Variants in PKD1L1 observed in about 807,000 individuals in gnomAD.
PKD1L1 encodes polycystin-1-like protein 1.
PKD1L1 carries 236 observed loss-of-function variants against 323.4 expected under a neutral mutation model. The ratio of observed to expected loss-of-function variants is 0.73; its 90% CI spans 0.66 to 0.81. The LOEUF is 0.81. Among genes scored for constraint, PKD1L1 ranks in the 40% least tolerant of loss-of-function variants. The probability of loss-of-function intolerance (pLI) is 0.00; values close to 1 mark genes in which losing one functional copy is unlikely to be tolerated. For missense variants in PKD1L1, 3,320 were observed against 3,508.0 expected (o/e 0.95, Z 1.35); for synonymous variants, 1,344 against 1,335.0 (o/e 1.01, Z -0.15).
chr7:47,838,056 T>G (rs1336700031), intron 36 of PKD1L1, among the ~76,000 whole-genome samples: 1 of 152,222 alleles, frequency 6.6e-6, no homozygotes, highest in Non-Finnish European at 1.5e-5. Flanking sequence ...TCTCCCGTTG[T>G]TAACTATGGT....
intron 56 of PKD1L1, among the ~76,000 whole-genome samples, chr7:47,785,449 T>A (rs1311714853): frequency 6.6e-6 from 1 of 152,190 alleles, no homozygotes; most frequent in African/African-American, 2.4e-5. Flanking sequence ...ATAGTCTCTA[T>A]TAAAGCTATA....
At chr7:47,957,709 T>G in the PKD1L1 span, among the ~76,000 whole-genome samples, 21 of 151,962 alleles carry the variant, frequency 1.4e-4, no homozygotes, top group African/African-American at 4.8e-4. Context: ...TTGCTCAGGC[T>G]GGTGGCAAAC....
rs750251869 is a variant in PKD1L1, at chr7:47,890,734, G to A, written c.2483C>T (p.Ser828Phe). The change falls in exon 16 of 57, where the codon TCC becomes TTC. Residue 828 changes from serine to phenylalanine, a missense_variant. Physicochemically the swap from Ser to Phe is radical, Grantham distance 155. Coordinates refer to ENST00000289672, the MANE Select transcript of PKD1L1 (RefSeq NM_138295.5). The stretch of plus-strand genomic sequence containing the variant: ...GGAGTCGAAGCAGGGATGTGCTGGG[G>A]AGCCAGCGGTGGCGCATTCCCAGTG... ...RYHWECATAG[S>F]PAHPCFDSST... The A allele has an allele frequency of 1.9e-6, 3 of 1,612,724 alleles. No homozygotes were observed. Among genetic ancestry groups the A allele is most frequent in the Non-Finnish European group, 2.5e-6 (3 of 1,180,044 alleles).
In PKD1L1 at chr7:47,920,704, A is replaced by G. The variant is rs1244940031; in HGVS notation, c.1061-5105T>C. ...GGTATAAAAATAAGCACACAGACCA[A>G]TGGAACAGAATAGAGATCCCAGAAA... is the stretch of plus-strand genomic sequence containing the variant. On this transcript the variant is annotated intron_variant, in intron 7 of 56. Coordinates refer to ENST00000289672, the MANE Select transcript of PKD1L1 (RefSeq NM_138295.5). Among the ~76,000 whole-genome samples the G allele has an allele frequency of 2.3e-4, 35 of 152,228 alleles. 1 individual carries two copies. Among genetic ancestry groups the G allele is most frequent in the Admixed American group, 2.2e-3 (33 of 15,288 alleles).
In PKD1L1 at chr7:47,859,880, G is replaced by C. The variant is rs532065258; in HGVS notation, c.4150-995C>G. Among the ~76,000 whole-genome samples the C allele has an allele frequency of 1.7e-3, 254 of 151,988 alleles. 1 individual carries two copies. The highest frequency in any genetic ancestry group is 5.8e-3 in the African/African-American group (240 of 41,440). ...CCAGACCTCATGATCCACCCGCCTC[G>C]GCTTCCCAAAGTGCTGGGAGTACAG... is the stretch of plus-strand genomic sequence containing the variant. On this transcript the variant is annotated intron_variant, in intron 26 of 56. Transcript: ENST00000289672.
intron 45 of PKD1L1, among the ~76,000 whole-genome samples, chr7:47,824,739 TCC>T: frequency 6.6e-6 from 1 of 152,268 alleles, no homozygotes; most frequent in Admixed American, 6.5e-5. Context: ...CTACCTGGCT[TCC>T]CTCCTGCAGC....
chr7:47,832,454 A>G (rs566801717), intron 41 of PKD1L1, among the ~76,000 whole-genome samples: 43 of 152,332 alleles, frequency 2.8e-4, no homozygotes, highest in African/African-American at 7.9e-4. Context: ...GGTGCTGTGC[A>G]GCCTGGGCCC....
At chr7:47,960,877 A>C in the PKD1L1 span, among the ~76,000 whole-genome samples, 1 of 150,634 alleles carries the variant, frequency 6.6e-6, no homozygotes, top group Non-Finnish European at 1.5e-5. Flanking sequence ...CCAAAAAGAC[A>C]AAAGATTAGC....
At chr7:47,898,325 T>C in intron 13 of PKD1L1, 131 bp from the exon 14 acceptor site, 3 of 728,706 alleles carry the variant, frequency 4.1e-6, no homozygotes, top group South Asian at 1.9e-5. Flanking sequence ...ATGGTATTCT[T>C]AGGTCTGGGC....
chr7:47,958,472 G>A, the PKD1L1 span, among the ~76,000 whole-genome samples: 1 of 152,174 alleles, frequency 6.6e-6, no homozygotes, highest in African/African-American at 2.4e-5. Flanking sequence ...TTTAAGACCT[G>A]AAACTATGAA....
chr7:47,882,196 C>T, intron 19 of PKD1L1, 111 bp from the exon 20 acceptor site: 2 of 1,107,948 alleles, frequency 1.8e-6, no homozygotes, highest in Admixed American at 2.6e-5. Context: ...TTGCTGGATA[C>T]CGCCTATCTA....
At chr7:47,833,586 C>A (rs946164339) in intron 40 of PKD1L1, among the ~76,000 whole-genome samples, 1 of 152,076 alleles carries the variant, frequency 6.6e-6, no homozygotes, top group South Asian at 2.1e-4. Flanking sequence ...TGAACAAAGC[C>A]TCCAAGTGGG....
chr7:47,929,139 C>A, intron 7 of PKD1L1, 65 bp downstream of exon 7: 1 of 1,484,284 alleles, frequency 6.7e-7, no homozygotes, highest in South Asian at 1.3e-5. Flanking sequence ...CCCAACACTG[C>A]CTCTTGGGTC....
chr7:47,832,037 T>C lies in PKD1L1; in HGVS notation c.6338-685A>G, dbSNP rs915794063. ...GGTGCAGCCGTCTTAGCTCGTTTTC[T>C]AGCAACTGCTCTTAGAGGCAGGATG... is the stretch of plus-strand genomic sequence containing the variant. On this transcript the variant is annotated intron_variant, in intron 41 of 56. Coordinates refer to ENST00000289672, the MANE Select transcript of PKD1L1 (RefSeq NM_138295.5). Among the ~76,000 whole-genome samples the C allele has an allele frequency of 1.1e-4, 16 of 152,364 alleles. No individual in the cohort carries two copies. The South Asian group carries it at 3.3e-3, about 32-fold the overall frequency.
intron 7 of PKD1L1, among the ~76,000 whole-genome samples, chr7:47,922,933 C>T (rs1048840978): frequency 6.6e-6 from 1 of 152,234 alleles, no homozygotes; most frequent in Non-Finnish European, 1.5e-5. Flanking sequence ...CAGATTGTTA[C>T]TCTGTCTGTG....
At chr7:47,919,697 C>T (rs1787496770) in intron 7 of PKD1L1, among the ~76,000 whole-genome samples, 1 of 152,142 alleles carries the variant, frequency 6.6e-6, no homozygotes, top group African/African-American at 2.4e-5. Flanking sequence ...ACGAGGGATG[C>T]AGGTATGGTT....
intron 56 of PKD1L1, among the ~76,000 whole-genome samples, chr7:47,785,744 CTT>C (rs58949004): frequency 9.1e-4 from 129 of 141,068 alleles, no homozygotes; most frequent in Middle Eastern, 7.5e-3. Context: ...ATATTTCTTT[CTT>C]TTTTTTTTTT....
chr7:47,877,773 T>G, intron 21 of PKD1L1, 142 bp from the exon 22 acceptor site: 1 of 1,009,176 alleles, frequency 9.9e-7, no homozygotes, highest in South Asian at 1.7e-5. Context: ...ACCTGGGAAT[T>G]TGTCAGAAAT....
chr7:47,792,892 A>G, intron 55 of PKD1L1, 95 bp from the exon 56 acceptor site: 6 of 1,195,178 alleles, frequency 5.0e-6, no homozygotes, highest in Non-Finnish European at 7.1e-6. Context: ...TCATCTGTAG[A>G]CAGTATTGGG....
Sources: gnomAD v4.1 joint callset for allele counts (sites outside exome capture counted in the v4.1 genomes callset) on GRCh38, gnomAD v4.1.1 for gene constraint, MANE v1.5 for transcripts, NCBI Gene and HGNC (gene_info 2026-07-23, HGNC 2026-07-21) for gene names.